Variants in DSCAM observed in about 807,000 individuals in gnomAD.
The protein encoded by DSCAM is DS cell adhesion molecule, also known as cell adhesion molecule DSCAM.
In DSCAM, 47 loss-of-function variants were observed where a neutral mutation model predicts 217.7. The observed-to-expected ratio is 0.22, with a 90% CI of 0.17 to 0.28. DSCAM has a LOEUF of 0.28. Among genes scored for constraint, DSCAM ranks in the 10% least tolerant of loss-of-function variants. The pLI, the probability that DSCAM is intolerant of heterozygous loss-of-function variation, is 1.00. For missense variants in DSCAM, 2,080 were observed against 2,618.3 expected (o/e 0.79, Z 4.49); for synonymous variants, 1,056 against 1,015.3 (o/e 1.04, Z -0.76).
intron 11 of DSCAM, among the ~76,000 whole-genome samples, chr21:40,207,692 T>A (rs1229602319): frequency 6.6e-6 from 1 of 152,154 alleles, no homozygotes; most frequent in African/African-American, 2.4e-5. Context: ...GATAGATCTG[T>A]GTTCATTTGC....
At chr21:40,455,290 T>A (rs1384452247) in intron 3 of DSCAM, among the ~76,000 whole-genome samples, 1 of 151,796 alleles carries the variant, frequency 6.6e-6, no homozygotes, top group East Asian at 1.9e-4. Flanking sequence ...AAGAACTGAA[T>A]GAAGCAATCA....
chr21:40,604,785 C>T (rs991054486), intron 3 of DSCAM, among the ~76,000 whole-genome samples: 2 of 152,196 alleles, frequency 1.3e-5, no homozygotes, highest in African/African-American at 4.8e-5. Context: ...TCTCCATACT[C>T]TTAAGATAAA....
chr21:40,616,376 G>A (rs948496532), intron 3 of DSCAM, among the ~76,000 whole-genome samples: 1 of 152,150 alleles, frequency 6.6e-6, no homozygotes, highest in African/African-American at 2.4e-5. Context: ...AGCTTATCTA[G>A]TTGGTTCGTA....
intron 1 of DSCAM, among the ~76,000 whole-genome samples, chr21:40,780,409 G>GTATATATA (rs2091528831): frequency 6.5e-5 from 5 of 76,612 alleles, no homozygotes; most frequent in Admixed American, 3.8e-4. Flanking sequence ...GTGTGTGTGT[G>GTATATATA]TGTGTGTGTG....
Position 40,376,530 on chromosome 21 carries a change from T to TCG in DSCAM, c.509-7286_509-7285insCG, listed in dbSNP as rs1421773260. On this transcript the variant is annotated intron_variant, in intron 3 of 32. Transcript: ENST00000400454. ...TATATCGATATCTATATATCTTATA[T>TCG]AGATATCGATATATCTTATATCGAT... is the stretch of plus-strand genomic sequence containing the variant. Among the ~76,000 whole-genome samples, 15 of 96,762 alleles carry TCG rather than the reference T, an allele frequency of 1.6e-4. 2 individuals are homozygous for TCG. The East Asian group carries it at 3.3e-3, about 21-fold the overall frequency. 63.5% of individuals were successfully genotyped at this position (96,762 alleles called of 152,430 possible). A position where few individuals can be genotyped will look rare whatever the true frequency, so the allele number is the denominator to read the frequency against.
At position 40,083,951 on chromosome 21, in the gene DSCAM, G is replaced by A; in HGVS notation, c.4188C>T (p.Thr1396=). The A allele has an allele frequency of 6.2e-7, 1 of 1,613,864 alleles. No homozygotes were observed. The highest frequency in any genetic ancestry group is 1.6e-4 in the Middle Eastern group (1 of 6,062). ...CGTTGTCTCCAGGGAGCCAAGAAAG[G>A]GTGATGGAGGAAGACGTGGTCTTGG... ...TVSKTTSSSI[T]LSWLPGDNGG... Residue 1396 remains threonine (T), a synonymous_variant, in exon 24 of 33, where the codon ACC becomes ACT. Coordinates refer to ENST00000400454, the MANE Select transcript of DSCAM (RefSeq NM_001389.5).
At chr21:40,151,968 T>C (rs977705557) in intron 16 of DSCAM, among the ~76,000 whole-genome samples, 14 of 152,164 alleles carry the variant, frequency 9.2e-5, no homozygotes, top group Non-Finnish European at 1.3e-4. Flanking sequence ...AAAAGAAGGA[T>C]TCCAGAAAGA....
chr21:40,225,141 C>T (rs1340681728), intron 11 of DSCAM, among the ~76,000 whole-genome samples: 1 of 152,210 alleles, frequency 6.6e-6, no homozygotes, highest in African/African-American at 2.4e-5. Context: ...AAGACACTGC[C>T]CATTCTCAGA....
At chr21:40,844,092 A>G (rs545626631) in intron 1 of DSCAM, among the ~76,000 whole-genome samples, 41 of 152,210 alleles carry the variant, frequency 2.7e-4, no homozygotes, top group Admixed American at 1.4e-3. Context: ...TTCAAAGTTG[A>G]GGTATAACAA....
intron 3 of DSCAM, among the ~76,000 whole-genome samples, chr21:40,675,545 C>T (rs2837779): frequency 0.15 from 22,148 of 152,144 alleles, 1,666 homozygotes; most frequent in East Asian, 0.23. Flanking sequence ...CATAATTCTT[C>T]TAAGAAAGGG....
At chr21:40,779,265 A>G (rs1400920152) in intron 1 of DSCAM, among the ~76,000 whole-genome samples, 1 of 152,156 alleles carries the variant, frequency 6.6e-6, no homozygotes, top group African/African-American at 2.4e-5. Context: ...AAGACGGGCT[A>G]TTAGGATGTT....
intron 10 of DSCAM, among the ~76,000 whole-genome samples, chr21:40,286,832 C>T (rs896016867): frequency 9.4e-3 from 25 of 2,660 alleles, no homozygotes; most frequent in Non-Finnish European, 0.018. Flanking sequence ...ATGGTGTGAT[C>T]TGCAGTATGA....
chr21:40,312,015 C>G (rs1368541216), intron 9 of DSCAM, 66 bp downstream of exon 9: 2 of 1,275,974 alleles, frequency 1.6e-6, no homozygotes, highest in Non-Finnish European at 2.1e-6. Flanking sequence ...ATTTCAAGCC[C>G]CATCATCTTA....
intron 3 of DSCAM, among the ~76,000 whole-genome samples, chr21:40,379,523 C>G (rs1247033024): frequency 6.6e-6 from 1 of 152,206 alleles, no homozygotes. Flanking sequence ...ATTCCCTCCC[C>G]TCCAAATACC....
At chr21:40,483,047 A>T (rs943366191) in intron 3 of DSCAM, among the ~76,000 whole-genome samples, 1 of 152,214 alleles carries the variant, frequency 6.6e-6, no homozygotes, top group African/African-American at 2.4e-5. Flanking sequence ...TCAGTGAAAG[A>T]TCTCACAAAA....
chr21:40,279,956 C>G (rs2073737693), intron 10 of DSCAM, among the ~76,000 whole-genome samples: 1 of 151,634 alleles, frequency 6.6e-6, no homozygotes, highest in Admixed American at 6.6e-5. Flanking sequence ...ATACTGGGGC[C>G]TGTGAGGGGG....
intron 11 of DSCAM, among the ~76,000 whole-genome samples, chr21:40,249,873 C>T (rs2073278657): frequency 6.6e-6 from 1 of 152,144 alleles, no homozygotes; most frequent in African/African-American, 2.4e-5. Flanking sequence ...GCCCCAGCCC[C>T]TAATAAGGAA....
intron 3 of DSCAM, among the ~76,000 whole-genome samples, chr21:40,550,035 T>C (rs2076616809): frequency 6.6e-6 from 1 of 152,152 alleles, no homozygotes; most frequent in Non-Finnish European, 1.5e-5. Context: ...TGACGTTATT[T>C]ACAAATGAAA....
intron 3 of DSCAM, among the ~76,000 whole-genome samples, chr21:40,535,249 AAAAAC>A: frequency 6.6e-6 from 1 of 152,368 alleles, no homozygotes; most frequent in East Asian, 1.9e-4. Flanking sequence ...AATAAGCACT[AAAAAC>A]AAAATGTTCA....
Sources: gnomAD v4.1 joint callset for allele counts (sites outside exome capture counted in the v4.1 genomes callset) on GRCh38, gnomAD v4.1.1 for gene constraint, MANE v1.5 for transcripts, NCBI Gene and HGNC (gene_info 2026-07-23, HGNC 2026-07-21) for gene names.